BANP: variants seen among roughly 807,000 people sequenced by gnomAD.
The protein encoded by BANP is BTG3 associated nuclear protein.
Under a neutral mutation model 68.1 loss-of-function variants are expected in BANP, and 11 were observed. That is an observed-to-expected ratio of 0.16 (90% CI 0.10 to 0.27). The LOEUF (loss-of-function observed/expected upper bound fraction) is 0.27. Ranked by LOEUF, BANP falls within the 10% of genes least tolerant of loss-of-function variation. BANP has a pLI of 1.00. For synonymous variants in BANP, 329 were observed against 303.2 expected, an observed-to-expected ratio of 1.09 and a Z score of -0.88; for missense variants, 504 against 722.7, an observed-to-expected ratio of 0.70 and a Z score of 3.47.
rs144180489 is a variant in BANP, at chr16:88,054,945, A to G, written c.1312-10322A>G. Among the ~76,000 whole-genome samples, 7 of 152,326 alleles carry G rather than the reference A, an allele frequency of 4.6e-5. No individual in the cohort carries two copies. The East Asian group carries it at 7.7e-4, about 17-fold the overall frequency. On this transcript the variant is annotated intron_variant, in intron 11 of 13. Transcript: ENST00000682872. ...TCTGTTCCTAGGGGGTATTATATCT[A>G]TTGAGATGTTCAAATCTGGGTCAGT... is the stretch of plus-strand genomic sequence containing the variant.
Position 88,064,208 on chromosome 16 carries a change from G to T in BANP, c.1312-1059G>T, listed in dbSNP as rs568724549. 6.6e-6 allele frequency among the ~76,000 whole-genome samples: 1 copy of T among 152,028 alleles called. No homozygotes were observed. The highest frequency in any genetic ancestry group is 1.9e-4 in the East Asian group (1 of 5,132). ...GGGGCTTGAGAGGCGCAGGGGAGCAGGGGGGGAGAGTGGACAGCGAGGCGG... is the reference window on the plus strand; with the variant it reads ...GGGGCTTGAGAGGCGCAGGGGAGCATGGGGGGAGAGTGGACAGCGAGGCGG... On this transcript the variant is annotated intron_variant, in intron 11 of 13. Coordinates refer to ENST00000682872, the MANE Select transcript of BANP (RefSeq NM_001386991.1). This position sits in a 1 kb window ranked among gnomAD's most constrained non-coding sequence, Gnocchi z 4.5.
chr16:87,980,514 G>A (rs557783959), intron 2 of BANP: 1 of 158,530 alleles, frequency 6.3e-6, no homozygotes, highest in Non-Finnish European at 1.4e-5. Context: ...TCTCAGCTGT[G>A]CCTGGGAGGG....
chr16:87,983,116 T>C (rs2063604928), intron 3 of BANP, among the ~76,000 whole-genome samples: 1 of 152,054 alleles, frequency 6.6e-6, no homozygotes, highest in South Asian at 2.1e-4. Context: ...CCCACGCTCT[T>C]TAGGTCATGG....
At position 88,035,382 on chromosome 16, in the gene BANP, G is replaced by T. The variant is rs372836618; in HGVS notation, c.1260G>T (p.Thr420=). 8.1e-6 allele frequency: 13 copies of T among 1,610,196 alleles called. No individual in the cohort carries two copies. The highest frequency in any genetic ancestry group is 8.0e-5 in the African/African-American group (6 of 74,866). The change falls in exon 10 of 14, where the codon ACG becomes ACT. Residue 420 remains threonine (T), a synonymous_variant. Coordinates refer to ENST00000682872, the MANE Select transcript of BANP (RefSeq NM_001386991.1). ...CGCAGGGGGAGCAAGTCCAGATCACGCAGGACAGCGAGGTGAGTCAGCTCT... is the reference window on the plus strand; with the variant it reads ...CGCAGGGGGAGCAAGTCCAGATCACTCAGGACAGCGAGGTGAGTCAGCTCT... ...QVPQGEQVQI[T]QDSEGNLQIH...
intron 7 of BANP, among the ~76,000 whole-genome samples, chr16:88,021,127 G>A (rs1350745526): frequency 6.6e-6 from 1 of 152,176 alleles, no homozygotes; most frequent in Non-Finnish European, 1.5e-5. Flanking sequence ...CCTGGCATGG[G>A]CCACCACCCT....
chr16:88,072,408 C>T (rs2090577577), intron 13 of BANP, among the ~76,000 whole-genome samples, 196 bp downstream of exon 13: 1 of 152,268 alleles, frequency 6.6e-6, no homozygotes, highest in Non-Finnish European at 1.5e-5. Flanking sequence ...AGATCCTGCC[C>T]CAGTTCCAAA....
intron 4 of BANP, among the ~76,000 whole-genome samples, 162 bp downstream of exon 4, chr16:87,984,421 C>T (rs1486453571): frequency 3.9e-5 from 6 of 152,202 alleles, no homozygotes; most frequent in African/African-American, 1.4e-4. Context: ...TTAGTTAGAC[C>T]GAAACCGAAC....
At chr16:88,033,009 T>C in intron 8 of BANP, 100 bp from the exon 9 acceptor site, 3 of 1,291,792 alleles carry the variant, frequency 2.3e-6, no homozygotes, top group Non-Finnish European at 3.1e-6. Context: ...TCTTCTCTGC[T>C]GTGGGAGTCG....
chr16:88,028,655 G>C (rs2077481997), intron 8 of BANP, among the ~76,000 whole-genome samples: 1 of 152,222 alleles, frequency 6.6e-6, no homozygotes, highest in Non-Finnish European at 1.5e-5. Flanking sequence ...GGACTTGAGA[G>C]AGGTAGCAGT....
At chr16:87,975,973 G>C (rs767890669) in intron 2 of BANP, among the ~76,000 whole-genome samples, 4 of 151,412 alleles carry the variant, frequency 2.6e-5, no homozygotes, top group Admixed American at 2.0e-4. Context: ...ACCATGTGGT[G>C]TGTGTAATCC....
chr16:87,993,744 G>T (rs1474721280), intron 4 of BANP, among the ~76,000 whole-genome samples: 1 of 152,024 alleles, frequency 6.6e-6, no homozygotes, highest in African/African-American at 2.4e-5. Context: ...ATTACAGGCC[G>T]TGCCACCACA....
chr16:87,984,394 C>G (rs2063880444), intron 4 of BANP, 135 bp downstream of exon 4: 1 of 1,054,142 alleles, frequency 9.5e-7, no homozygotes, highest in Admixed American at 2.8e-5. Context: ...TCAGCAGTTT[C>G]TAACTAAAGC....
chr16:87,976,189 C>G (rs1221789981), intron 2 of BANP, among the ~76,000 whole-genome samples: 1 of 152,222 alleles, frequency 6.6e-6, no homozygotes. Flanking sequence ...TAGATAAGTT[C>G]CTAGAAGTAG....
chr16:87,962,123 C>T (rs2059269231), intron 1 of BANP, among the ~76,000 whole-genome samples: 1 of 151,690 alleles, frequency 6.6e-6, no homozygotes, highest in East Asian at 1.9e-4. Flanking sequence ...GCCTGTAATC[C>T]CAGCTACTCT....
At chr16:87,974,466 G>C (rs905563336) in intron 1 of BANP, among the ~76,000 whole-genome samples, 27 of 152,230 alleles carry the variant, frequency 1.8e-4, no homozygotes, top group African/African-American at 6.0e-4. Context: ...CAGAACCTGA[G>C]AGCAGAAAGA....
intron 4 of BANP, among the ~76,000 whole-genome samples, chr16:87,985,575 A>G (rs1312193702): frequency 6.6e-6 from 1 of 152,228 alleles, no homozygotes; most frequent in Non-Finnish European, 1.5e-5. Context: ...ATGTTTCAAA[A>G]AAAAAGAAAA....
chr16:87,992,623 G>C (rs1330778740), intron 4 of BANP, among the ~76,000 whole-genome samples: 1 of 151,934 alleles, frequency 6.6e-6, no homozygotes, highest in Admixed American at 6.6e-5. Context: ...GCGAAACCCC[G>C]TCTCTACTAA....
At chr16:88,009,998 A>G (rs761721255) in intron 6 of BANP, among the ~76,000 whole-genome samples, 9 of 151,740 alleles carry the variant, frequency 5.9e-5, no homozygotes, top group African/African-American at 1.2e-4. Flanking sequence ...ACAGTAGACT[A>G]TGTCTCATTG....
At position 88,004,081 on chromosome 16, in the gene BANP, A is replaced by C; in HGVS notation, c.363-214A>C. The stretch of plus-strand genomic sequence containing the variant: ...AATTAGGAAAAGTTACGTTCTGCTA[A>C]AAACCCCATCTCCAGTTTATTCTTC... On this transcript the variant is annotated intron_variant, in intron 4 of 13. Transcript: ENST00000682872. The surrounding 1 kb of genome is among the most constrained non-coding windows in gnomAD (Gnocchi z 7.0). The C allele has an allele frequency of 1.9e-6, 1 of 538,110 alleles. No individual in the cohort carries two copies. The highest frequency in any genetic ancestry group is 3.3e-6 in the Non-Finnish European group (1 of 299,464). 33.3% of individuals were successfully genotyped at this position (538,110 alleles called of 1,614,324 possible).
Sources: allele counts gnomAD v4.1 joint callset (sites outside exome capture counted in the v4.1 genomes callset), GRCh38; gene constraint gnomAD v4.1.1; non-coding constraint Gnocchi (gnomAD v3.1); transcripts MANE v1.5; gene names NCBI Gene and HGNC (gene_info 2026-07-23, HGNC 2026-07-21).